CTIF: variants seen among roughly 807,000 people sequenced by gnomAD.
The protein encoded by CTIF is CBP80/20-dependent translation initiation factor.
CTIF carries 21 observed loss-of-function variants against 66.0 expected under a neutral mutation model. That is an observed-to-expected ratio of 0.32 (90% CI 0.23 to 0.46). The LOEUF (loss-of-function observed/expected upper bound fraction) is 0.46. Ranked by LOEUF, CTIF falls within the 20% of genes least tolerant of loss-of-function variation. CTIF has a pLI of 1.00. For missense variants in CTIF, 739 were observed against 812.7 expected, an observed-to-expected ratio of 0.91 and a Z score of 1.10; for synonymous variants, 345 against 326.4, an observed-to-expected ratio of 1.06 and a Z score of -0.62.
chr18:48,682,638 G>C (rs1215633694), intron 6 of CTIF, among the ~76,000 whole-genome samples: 1 of 152,142 alleles, frequency 6.6e-6, no homozygotes, highest in Non-Finnish European at 1.5e-5. Flanking sequence ...TTGGTTGGTT[G>C]GTTTTTACCA....
At chr18:48,549,761 C>T (rs1194809597) in intron 1 of CTIF, among the ~76,000 whole-genome samples, 7 of 152,194 alleles carry the variant, frequency 4.6e-5, no homozygotes, top group Non-Finnish European at 8.8e-5. Flanking sequence ...CCCATGCCTC[C>T]GCTCCAGTGG....
chr18:48,846,537 G>GGATGGATA (rs1568265721), intron 10 of CTIF, among the ~76,000 whole-genome samples: 1 of 148,950 alleles, frequency 6.7e-6, no homozygotes, highest in East Asian at 2.0e-4. Context: ...ATGGATGGAT[G>GGATGGATA]GATAGGTGAA....
At chr18:48,685,549 C>A (rs2091826129) in intron 6 of CTIF, among the ~76,000 whole-genome samples, 2 of 151,932 alleles carry the variant, frequency 1.3e-5, no homozygotes, top group African/African-American at 4.8e-5. Flanking sequence ...TAAGGGAATA[C>A]CACAGAAATG....
At chr18:48,783,511 C>T (rs1488191888) in intron 9 of CTIF, among the ~76,000 whole-genome samples, 1 of 152,194 alleles carries the variant, frequency 6.6e-6, no homozygotes, top group Admixed American at 6.5e-5. Context: ...CACGGTTCAC[C>T]TGGATACCCA....
chr18:48,631,805 G>A (rs1363809118), intron 2 of CTIF, among the ~76,000 whole-genome samples: 1 of 152,068 alleles, frequency 6.6e-6, no homozygotes, highest in Non-Finnish European at 1.5e-5. Context: ...TTTCAAGTAA[G>A]ACACCACCTT....
At chr18:48,834,497 T>C (rs1029146941) in intron 10 of CTIF, among the ~76,000 whole-genome samples, 2 of 152,168 alleles carry the variant, frequency 1.3e-5, no homozygotes, top group Non-Finnish European at 2.9e-5. Context: ...GGTTCTCAAG[T>C]GGGAAACGCT....
intron 2 of CTIF, among the ~76,000 whole-genome samples, chr18:48,624,057 A>G (rs558183389): frequency 8.6e-5 from 13 of 150,820 alleles, no homozygotes; most frequent in Non-Finnish European, 1.8e-4. Context: ...CCCATGCTTG[A>G]CACCACGCCC....
chr18:48,808,951 ATAT>A (rs1311780261), intron 9 of CTIF, among the ~76,000 whole-genome samples: 1 of 152,158 alleles, frequency 6.6e-6, no homozygotes, highest in Non-Finnish European at 1.5e-5. Context: ...GTACAGATTG[ATAT>A]TAAACCTGTG....
chr18:48,692,817 A>T (rs920889726), intron 6 of CTIF: 3 of 152,224 alleles, frequency 2.0e-5, no homozygotes, highest in African/African-American at 7.2e-5. Flanking sequence ...AGACACTCTG[A>T]TGTTTTTAGC....
intron 10 of CTIF, among the ~76,000 whole-genome samples, chr18:48,855,494 G>C (rs2337111): frequency 0.31 from 46,710 of 152,170 alleles, 8,674 homozygotes; most frequent in African/African-American, 0.53. Context: ...TGGGTTAGGA[G>C]TTAACTGTGG....
At chr18:48,828,851 C>A (rs1475892454) in intron 10 of CTIF, among the ~76,000 whole-genome samples, 2 of 152,226 alleles carry the variant, frequency 1.3e-5, no homozygotes, top group Non-Finnish European at 2.9e-5. Flanking sequence ...AGGGGAGGGG[C>A]ACCTTCCCAG....
chr18:48,745,163 G>A (rs146553543), intron 7 of CTIF, among the ~76,000 whole-genome samples: 10 of 152,238 alleles, frequency 6.6e-5, no homozygotes, highest in African/African-American at 9.6e-5. Flanking sequence ...CATGACATTG[G>A]CCTTTTTTTA....
intron 2 of CTIF, among the ~76,000 whole-genome samples, chr18:48,634,571 A>C (rs1238259163): frequency 5.9e-5 from 9 of 152,222 alleles, no homozygotes; most frequent in African/African-American, 2.2e-4. Flanking sequence ...CTGTCTGGTG[A>C]GGCTGGAGCC....
chr18:48,767,084 C>T (rs1909639310), intron 9 of CTIF, among the ~76,000 whole-genome samples: 1 of 152,206 alleles, frequency 6.6e-6, no homozygotes, highest in African/African-American at 2.4e-5. Context: ...AGGTTCCCAA[C>T]TTCTCTGGCT....
chr18:48,791,086 C>T (rs754268665), intron 9 of CTIF, among the ~76,000 whole-genome samples: 1 of 152,202 alleles, frequency 6.6e-6, no homozygotes, highest in Non-Finnish European at 1.5e-5. Flanking sequence ...GAAGGGGAGG[C>T]CCTGTACAAG....
At chr18:48,686,526 C>T (rs896105598) in intron 6 of CTIF, among the ~76,000 whole-genome samples, 14 of 142,246 alleles carry the variant, frequency 9.8e-5, no homozygotes, top group African/African-American at 2.4e-4. Flanking sequence ...CATTGCTGCT[C>T]GGTTCTCACG....
intron 9 of CTIF, among the ~76,000 whole-genome samples, chr18:48,798,378 G>A (rs923557524): frequency 6.6e-6 from 1 of 152,144 alleles, no homozygotes; most frequent in African/African-American, 2.4e-5. Context: ...AACCCTCTTC[G>A]GTTTGGGGTT....
At chr18:48,805,257 C>T (rs1331523496) in intron 9 of CTIF, among the ~76,000 whole-genome samples, 3 of 152,216 alleles carry the variant, frequency 2.0e-5, no homozygotes, top group African/African-American at 7.2e-5. Flanking sequence ...CTGGAGGCTC[C>T]TGTCCTGGGC....
chr18:48,701,549 C>A (rs2092084991), intron 6 of CTIF, among the ~76,000 whole-genome samples: 1 of 81,966 alleles, frequency 1.2e-5, no homozygotes. Context: ...CCCCAGTGCA[C>A]ACAGTGCACT....
Sources: allele counts gnomAD v4.1 joint callset (sites outside exome capture counted in the v4.1 genomes callset), GRCh38; gene constraint gnomAD v4.1.1; transcripts MANE v1.5; gene names NCBI Gene and HGNC (gene_info 2026-07-23, HGNC 2026-07-21).